Variants in SORCS1 observed in about 807,000 individuals in gnomAD.
SORCS1 encodes the protein VPS10 domain-containing receptor SorCS1.
Under a neutral mutation model 146.1 loss-of-function variants are expected in SORCS1, and 60 were observed. The ratio of observed to expected loss-of-function variants is 0.41; its 90% CI spans 0.33 to 0.51. The LOEUF (loss-of-function observed/expected upper bound fraction) is 0.51. Among genes scored for constraint, SORCS1 ranks in the 20% least tolerant of loss-of-function variants. SORCS1 has a pLI of 0.21. For synonymous variants in SORCS1, 637 were observed against 584.0 expected (o/e 1.09, Z -1.31); for missense variants, 1,352 against 1,487.6 (o/e 0.91, Z 1.50).
intron 3 of SORCS1, among the ~76,000 whole-genome samples, chr10:106,806,655 A>G (rs893163088): frequency 7.9e-5 from 12 of 150,954 alleles, no homozygotes; most frequent in African/African-American, 2.9e-4. Context: ...AGCTGGGAGT[A>G]CAGGTGCCCG....
chr10:106,812,386 C>G (rs1947508849), intron 3 of SORCS1, among the ~76,000 whole-genome samples: 1 of 152,160 alleles, frequency 6.6e-6, no homozygotes, highest in African/African-American at 2.4e-5. Context: ...TTAGAGCTTA[C>G]AGTTTATTAT....
At chr10:106,646,168 G>A (rs1416843803) in intron 18 of SORCS1, among the ~76,000 whole-genome samples, 3 of 152,062 alleles carry the variant, frequency 2.0e-5, no homozygotes, top group African/African-American at 7.2e-5. Context: ...AGGAGGGTGA[G>A]GCAGGAGAAT....
chr10:106,667,653 G>A (rs770500280), intron 17 of SORCS1, 36 bp downstream of exon 17: 2 of 1,453,546 alleles, frequency 1.4e-6, no homozygotes, highest in South Asian at 2.3e-5. Context: ...AGGCAGCAAA[G>A]GTTGGCCTCT....
rs75674082 is a variant in SORCS1 at position 106,881,448 on chromosome 10, C to T, written c.627-51775G>A. Among the ~76,000 whole-genome samples the T allele has an allele frequency of 2.3e-3, 356 of 152,290 alleles. 4 individuals are homozygous for T. The highest frequency in any genetic ancestry group is 8.2e-3 in the African/African-American group (342 of 41,556). On this transcript the variant is annotated intron_variant, in intron 2 of 25. Coordinates refer to ENST00000263054, the MANE Select transcript of SORCS1 (RefSeq NM_052918.5). ...AGGTGACAAATATATTCCAAATTGA[C>T]TAATCCCACTCCTGGTCTTTAACCT...
chr10:107,063,236 TG>T (rs1564989232), intron 1 of SORCS1, among the ~76,000 whole-genome samples: 1 of 152,198 alleles, frequency 6.6e-6, no homozygotes, highest in African/African-American at 2.4e-5. Flanking sequence ...TAGTGGAATA[TG>T]GGAGTCTTTG....
At chr10:107,163,853 G>T in intron 1 of SORCS1, 116 bp downstream of exon 1, 1 of 1,193,458 alleles carries the variant, frequency 8.4e-7, no homozygotes, top group Non-Finnish European at 1.2e-6. Context: ...AGACCAGTTT[G>T]CAGCATCTCC....
At chr10:106,941,467 G>A (rs1172931125) in intron 2 of SORCS1, among the ~76,000 whole-genome samples, 1 of 152,176 alleles carries the variant, frequency 6.6e-6, no homozygotes, top group Admixed American at 6.5e-5. Flanking sequence ...TGCCCAGACA[G>A]CCCAAGGCCA....
intron 2 of SORCS1, among the ~76,000 whole-genome samples, chr10:106,875,825 A>G (rs905055782): frequency 6.6e-6 from 1 of 152,008 alleles, no homozygotes; most frequent in African/African-American, 2.4e-5. Flanking sequence ...TTTTTGAGGG[A>G]TAATTTTGGC....
In SORCS1 at chr10:107,081,678, CA is replaced by C. The variant is rs543486992; in HGVS notation, c.558+82290del. On this transcript the variant is annotated intron_variant, in intron 1 of 25. Transcript: ENST00000263054. The stretch of plus-strand genomic sequence containing the variant: ...TTGAGACAGTAAATATACAAAGACA[CA>C]AAGAAAAAGAGTGAAAAAAAGCATG... Among the ~76,000 whole-genome samples the C allele has an allele frequency of 1.2e-3, 177 of 151,316 alleles. 1 individual carries two copies. Among genetic ancestry groups the C allele is most frequent in the African/African-American group, 3.5e-3 (144 of 41,180 alleles).
intron 1 of SORCS1, among the ~76,000 whole-genome samples, chr10:107,120,100 A>G (rs942653394): frequency 6.6e-6 from 1 of 152,064 alleles, no homozygotes; most frequent in Non-Finnish European, 1.5e-5. Context: ...CTCCTGTGTT[A>G]TTATCATTCT....
intron 2 of SORCS1, among the ~76,000 whole-genome samples, chr10:106,928,598 C>A (rs1268193572): frequency 6.6e-6 from 1 of 152,220 alleles, no homozygotes; most frequent in Non-Finnish European, 1.5e-5. Context: ...GGAGCCCAGG[C>A]AGAGGCAGCG....
intron 1 of SORCS1, among the ~76,000 whole-genome samples, chr10:107,080,874 C>T (rs1176461413): frequency 6.6e-6 from 1 of 152,136 alleles, no homozygotes; most frequent in African/African-American, 2.4e-5. Context: ...AGTGTCAGTC[C>T]TCACCAGGAC....
At position 106,840,109 on chromosome 10, in the gene SORCS1, T is replaced by C. The variant is rs1948959464; in HGVS notation, c.627-10436A>G. 1.3e-5 allele frequency among the ~76,000 whole-genome samples: 2 copies of C among 152,202 alleles called. 1 individual carries two copies. The highest frequency in any genetic ancestry group is 4.1e-4 in the South Asian group (2 of 4,830). On this transcript the variant is annotated intron_variant, in intron 2 of 25. Transcript: ENST00000263054. Reference sequence around the variant, plus strand: ...AGGAGTAATTTTAATTTTTAAGTAGTATTATTTAAGAAATACACTTTGTAA... The same window carrying C: ...AGGAGTAATTTTAATTTTTAAGTAGCATTATTTAAGAAATACACTTTGTAA...
At chr10:107,059,603 T>A (rs985025627) in intron 1 of SORCS1, among the ~76,000 whole-genome samples, 2 of 152,158 alleles carry the variant, frequency 1.3e-5, no homozygotes, top group African/African-American at 4.8e-5. Flanking sequence ...ACGCTGTGGA[T>A]GTCAGGTTCA....
intron 6 of SORCS1, among the ~76,000 whole-genome samples, chr10:106,712,809 C>T (rs1017837554): frequency 5.3e-5 from 8 of 152,162 alleles, no homozygotes; most frequent in South Asian, 4.1e-4. Flanking sequence ...GGTTCTTTGG[C>T]GAGCTACTGA....
At chr10:107,118,737 T>A (rs1029339484) in intron 1 of SORCS1, among the ~76,000 whole-genome samples, 2 of 152,226 alleles carry the variant, frequency 1.3e-5, no homozygotes, top group African/African-American at 2.4e-5. Context: ...TAACTACATT[T>A]TTTTCTTGTC....
intron 1 of SORCS1, among the ~76,000 whole-genome samples, chr10:107,045,270 T>C (rs1959271303): frequency 6.6e-6 from 1 of 152,212 alleles, no homozygotes; most frequent in Non-Finnish European, 1.5e-5. Context: ...GATTTCATTA[T>C]AAGGGTCCTA....
rs533390002 is a variant in SORCS1, at chr10:106,776,597, A to T, written c.822T>A (p.Ile274=). The part of the protein sequence containing the change: ...TYQKYRLNFY[I]QSLLFHPKQE... ...GTTTGGGGTGAAAAAGCAAGCTTTG[A>T]ATGTAGAAGTTCAGCCGGTACTTTT... Residue 274 remains isoleucine (I), a synonymous_variant, in exon 4 of 26, where the codon ATT becomes ATA. Coordinates refer to ENST00000263054, the MANE Select transcript of SORCS1 (RefSeq NM_052918.5). 6.2e-7 allele frequency: 1 copy of T among 1,614,044 alleles called. No homozygotes were observed. Among genetic ancestry groups the T allele is most frequent in the Admixed American group, 1.7e-5 (1 of 60,016 alleles).
chr10:106,942,218 AT>A (rs771519561), intron 2 of SORCS1, among the ~76,000 whole-genome samples: 1 of 152,118 alleles, frequency 6.6e-6, no homozygotes, highest in South Asian at 2.1e-4. Context: ...TCTGGGTATT[AT>A]TTTTTAAGTG....
Sources: allele counts gnomAD v4.1 joint callset (sites outside exome capture counted in the v4.1 genomes callset), GRCh38; gene constraint gnomAD v4.1.1; transcripts MANE v1.5; gene names NCBI Gene and HGNC (gene_info 2026-07-23, HGNC 2026-07-21).